The following ACBD3 variants were observed in gnomAD, a reference collection of about 807,000 sequenced individuals.
ACBD3 encodes the protein acyl-CoA binding domain containing 3, also known as Golgi resident protein GCP60.
In ACBD3, 30 loss-of-function variants were observed where a neutral mutation model predicts 66.9. The ratio of observed to expected loss-of-function variants is 0.45; its 90% confidence interval spans 0.34 to 0.61. The LOEUF is 0.61. Ranked by LOEUF, ACBD3 falls within the 20% of genes least tolerant of loss-of-function variation. The probability of loss-of-function intolerance (pLI) is 0.02; values close to 1 mark genes in which losing one functional copy is unlikely to be tolerated. For synonymous variants in ACBD3, 278 were observed against 259.8 expected, an observed-to-expected ratio of 1.07 and a Z score of -0.68; for missense variants, 544 against 664.5, an observed-to-expected ratio of 0.82 and a Z score of 1.99.
At chr1:226,186,148 A>G (rs1656296958) in intron 1 of ACBD3, among the ~76,000 whole-genome samples, 1 of 152,188 alleles carries the variant, frequency 6.6e-6, no homozygotes, top group Non-Finnish European at 1.5e-5. Context: ...TGTCCCGGTA[A>G]CCTCTGGGAG....
chr1:226,153,268 C>T (rs1659609893), intron 6 of ACBD3, among the ~76,000 whole-genome samples: 1 of 151,924 alleles, frequency 6.6e-6, no homozygotes, highest in Admixed American at 6.6e-5. Context: ...AGTATAATCC[C>T]TTGATAAGAA....
Position 226,164,906 on chromosome 1 carries a change from T to C in ACBD3, c.452A>G (p.Asn151Ser), listed in dbSNP as rs1448854073. Residue 151 changes from asparagine to serine, a missense_variant, in exon 3 of 8, where the codon AAC becomes AGC. This residue lies in a region of ACBD3 where 383 missense variants were observed against 462.4 expected (regional missense o/e 0.83). Coordinates refer to ENST00000366812, the MANE Select transcript of ACBD3 (RefSeq NM_022735.4). ...CACCATGGCATCCTCTTTAGACATGTTTCCCAGGGCTGCCCATTCTCTCCT... is the reference window on the plus strand; with the variant it reads ...CACCATGGCATCCTCTTTAGACATGCTTCCCAGGGCTGCCCATTCTCTCCT... ...DRRREWAALG[N>S]MSKEDAMVEF... is the part of the protein sequence containing the mutation. 1 of 1,599,552 alleles carries C rather than the reference T, an allele frequency of 6.3e-7. No individual in the cohort carries two copies.
At chr1:226,151,948 T>C (rs778672309) in intron 7 of ACBD3, among the ~76,000 whole-genome samples, 19 of 151,938 alleles carry the variant, frequency 1.3e-4, no homozygotes, top group Admixed American at 2.0e-4. Context: ...CCGAGACTAC[T>C]GTGAGCAGAG....
rs576413932 is a variant in ACBD3, at chr1:226,169,247, T to TA, written c.287-3248dup. On this transcript the variant is annotated intron_variant, in intron 1 of 7. Coordinates refer to ENST00000366812, the MANE Select transcript of ACBD3 (RefSeq NM_022735.4). ...CCTTGTGATTTAGAGAGTTTTTTTT[T>TA]ATTTTTATTTTTTTTCTCGAGACAG... 3.8e-4 allele frequency among the ~76,000 whole-genome samples: 57 copies of TA among 151,848 alleles called. 1 individual carries two copies. The East Asian group carries it at 0.011, about 28-fold the overall frequency.
At chr1:226,179,682 A>AC in intron 1 of ACBD3, among the ~76,000 whole-genome samples, 1 of 151,870 alleles carries the variant, frequency 6.6e-6, no homozygotes, top group Non-Finnish European at 1.5e-5. Flanking sequence ...ACATGGAGAA[A>AC]CCCCATCTCT....
Position 226,164,796 on chromosome 1 carries a change from T to C in ACBD3, c.562A>G (p.Lys188Glu). The part of the protein sequence containing the change: ...SHKIEKEEQE[K>E]KRKEEEERRR... Reference sequence around the variant, plus strand: ...CATGCCCTCAAACTTCACCTTTTTTTTTCTTGCTCTTCCTTCTCTATTTTG... The same window carrying C: ...CATGCCCTCAAACTTCACCTTTTTTCTTCTTGCTCTTCCTTCTCTATTTTG... The change falls in exon 3 of 8, where the codon AAA (lysine) becomes GAA (glutamate). Residue 188 changes from lysine to glutamate, a missense_variant. Physicochemically the swap from Lys to Glu is moderately conservative, Grantham distance 56. Around this residue, in one of 3 missense-constraint regions of ACBD3, gnomAD observed 383 missense variants for 462.4 expected, o/e 0.83. Transcript: ENST00000366812. 1 of 1,609,114 alleles carries C rather than the reference T, an allele frequency of 6.2e-7. No individual in the cohort carries two copies. The highest frequency in any genetic ancestry group is 8.5e-7 in the Non-Finnish European group (1 of 1,177,854).
chr1:226,171,534 A>G (rs960397082), intron 1 of ACBD3, among the ~76,000 whole-genome samples: 2 of 151,826 alleles, frequency 1.3e-5, no homozygotes, highest in South Asian at 2.1e-4. Flanking sequence ...CTTAAAAAGT[A>G]TATTTATTTA....
chr1:226,163,419 TGGACTGTA>T (rs1329634127), intron 3 of ACBD3, among the ~76,000 whole-genome samples: 2 of 152,088 alleles, frequency 1.3e-5, no homozygotes, highest in Admixed American at 1.3e-4. Context: ...CACTACACAA[TGGACTGTA>T]GGACATAAAT....
intron 7 of ACBD3, among the ~76,000 whole-genome samples, chr1:226,151,156 C>T (rs966960067): frequency 3.3e-5 from 5 of 152,164 alleles, no homozygotes; most frequent in Non-Finnish European, 7.4e-5. Context: ...ATTCCATGTA[C>T]TTTCAATAAT....
At chr1:226,184,615 T>C (rs1345140131) in intron 1 of ACBD3, among the ~76,000 whole-genome samples, 1 of 152,194 alleles carries the variant, frequency 6.6e-6, no homozygotes, top group Admixed American at 6.5e-5. Context: ...GAAAAGTTAA[T>C]TGTCTAGTTT....
At chr1:226,180,916 T>C (rs1367361943) in intron 1 of ACBD3, among the ~76,000 whole-genome samples, 1 of 151,772 alleles carries the variant, frequency 6.6e-6, no homozygotes, top group African/African-American at 2.4e-5. Flanking sequence ...GGAGAATTGC[T>C]TGAACCCAGG....
chr1:226,168,957 G>C (rs1279238617), intron 1 of ACBD3, among the ~76,000 whole-genome samples: 1 of 152,074 alleles, frequency 6.6e-6, no homozygotes, highest in Non-Finnish European at 1.5e-5. Context: ...CCGTCTCTTG[G>C]GTTCAAGTGA....
chr1:226,174,407 A>G (rs536131755), intron 1 of ACBD3, among the ~76,000 whole-genome samples: 1 of 152,328 alleles, frequency 6.6e-6, no homozygotes, highest in East Asian at 1.9e-4. Context: ...TAGATTGAAC[A>G]CAGACAATTA....
At chr1:226,166,040 G>A (rs780178479) in intron 1 of ACBD3, 40 bp from the exon 2 acceptor site, 33 of 1,575,862 alleles carry the variant, frequency 2.1e-5, no homozygotes, top group Non-Finnish European at 2.7e-5. Flanking sequence ...ATTAGCACAG[G>A]CAAAATACAT....
chr1:226,146,630 T>G lies in ACBD3; in HGVS notation c.1567A>C (p.Arg523=). ...CATTTTTATCTAGTATAATAGACTC[T>G]GTAGTAGACTGATTTTGACCGCCAC... is the stretch of plus-strand genomic sequence containing the variant. ...SLWRSKSVYY[R]VYYTR The change falls in exon 8 of 8, where the codon AGA becomes CGA. Residue 523 remains arginine, a synonymous_variant. Transcript: ENST00000366812. The G allele has an allele frequency of 6.2e-7, 1 of 1,613,906 alleles. No individual in the cohort carries two copies. Among genetic ancestry groups the G allele is most frequent in the South Asian group, 1.1e-5 (1 of 91,074 alleles).
chr1:226,149,406 TA>T (rs1291137874), intron 7 of ACBD3, among the ~76,000 whole-genome samples: 2 of 151,808 alleles, frequency 1.3e-5, no homozygotes, highest in African/African-American at 4.8e-5. Flanking sequence ...TTTGTACTTT[TA>T]GTAGAGATGG....
chr1:226,152,813 C>G (rs1467288605), intron 6 of ACBD3, among the ~76,000 whole-genome samples, 194 bp from the exon 7 acceptor site: 1 of 152,182 alleles, frequency 6.6e-6, no homozygotes, highest in African/African-American at 2.4e-5. Context: ...AACAATGTTG[C>G]AGGCACTCAG....
chr1:226,161,125 C>A (rs1659764405), intron 4 of ACBD3, among the ~76,000 whole-genome samples: 2 of 148,630 alleles, frequency 1.3e-5, no homozygotes, highest in South Asian at 4.2e-4. Flanking sequence ...CAAGTGAACC[C>A]CCAAACCTTC....
intron 1 of ACBD3, among the ~76,000 whole-genome samples, chr1:226,178,518 T>C (rs1176341810): frequency 7.5e-6 from 1 of 133,766 alleles, no homozygotes; most frequent in Non-Finnish European, 1.5e-5. Context: ...GAGCTTGCAG[T>C]GAGCCGAGAT....
Sources: gnomAD v4.1 joint callset for allele counts (sites outside exome capture counted in the v4.1 genomes callset) on GRCh38, gnomAD v4.1.1 for gene constraint, gnomAD v4.1.1 regional missense constraint, MANE v1.5 for transcripts, NCBI Gene and HGNC (gene_info 2026-07-23, HGNC 2026-07-21) for gene names.